HDAC7: variants seen among roughly 807,000 people sequenced by gnomAD.
The protein encoded by HDAC7 is histone deacetylase 7.
A neutral mutation model predicts 115.5 loss-of-function variants in HDAC7; 26 were observed. The ratio of observed to expected loss-of-function variants is 0.23; its 90% CI spans 0.16 to 0.31. The LOEUF (loss-of-function observed/expected upper bound fraction) is 0.31, where lower values mean the gene tolerates loss of function less well. Among genes scored for constraint, HDAC7 ranks in the 10% least tolerant of loss-of-function variants. HDAC7 has a pLI of 1.00. For missense variants in HDAC7, 1,068 were observed against 1,329.0 expected, an observed-to-expected ratio of 0.80 and a Z score of 3.05; for synonymous variants, 564 against 550.9, an observed-to-expected ratio of 1.02 and a Z score of -0.33.
intron 1 of HDAC7, among the ~76,000 whole-genome samples, chr12:47,809,621 A>T (rs1944563326): frequency 6.6e-6 from 1 of 152,098 alleles, no homozygotes; most frequent in African/African-American, 2.4e-5. Flanking sequence ...CCCAGGCTGG[A>T]GTACAGTGGC....
At chr12:47,808,497 C>T (rs1161405209) in intron 1 of HDAC7, among the ~76,000 whole-genome samples, 4 of 152,170 alleles carry the variant, frequency 2.6e-5, no homozygotes. Context: ...GAAGACCTGG[C>T]AGAACCTGAG....
rs923301768 is a variant in HDAC7, at chr12:47,798,003, T to C, written c.461+105A>G. On this transcript the variant is annotated intron_variant, in intron 5 of 25. Transcript: ENST00000080059. The surrounding 1 kb of genome is among the most constrained non-coding windows in gnomAD (Gnocchi z 4.3). ...TTAGAGGAAGGGTAAGGACTGGTTG[T>C]GGCAACTGGGGAGGAAGGAGGCAAG... 2.5e-6 allele frequency: 2 copies of C among 784,520 alleles called. No individual in the cohort carries two copies. Among genetic ancestry groups the C allele is most frequent in the Admixed American group, 1.9e-5 (1 of 51,848 alleles). The allele number at this position is 784,520 out of a possible 1,614,324, so 48.6% of individuals were successfully genotyped here.
At chr12:47,790,081 G>T in intron 16 of HDAC7, 161 bp from the exon 17 acceptor site, 1 of 615,036 alleles carries the variant, frequency 1.6e-6, no homozygotes. Flanking sequence ...AAGGCCTCCT[G>T]TGTCCCCCAA....
chr12:47,791,195 G>C, intron 16 of HDAC7, 64 bp downstream of exon 16: 1 of 1,433,528 alleles, frequency 7.0e-7, no homozygotes. Context: ...GGGCCTGGGA[G>C]AACCACAGGG....
upstream of HDAC7, among the ~76,000 whole-genome samples, chr12:47,820,771 C>A (rs1484550428): frequency 6.6e-6 from 1 of 151,650 alleles, no homozygotes; most frequent in South Asian, 2.1e-4. The surrounding 1 kb of genome is among the most constrained non-coding windows in gnomAD (Gnocchi z 4.3). Flanking sequence ...CAGCAATGTG[C>A]CCAGTGTCCC....
intron 24 of HDAC7, chr12:47,784,787 G>A: frequency 6.5e-7 from 1 of 1,535,370 alleles, no homozygotes; most frequent in Non-Finnish European, 8.7e-7. Context: ...ATCTGGCTCA[G>A]TGTGAGGGCA....
At chr12:47,796,173 G>GC in intron 8 of HDAC7, 34 bp downstream of exon 8, 1 of 1,579,732 alleles carries the variant, frequency 6.3e-7, no homozygotes, top group Non-Finnish European at 8.6e-7. Flanking sequence ...CCTCAGAACT[G>GC]CCCCAGGAGA....
At position 47,795,120 on chromosome 12, in the gene HDAC7, C is replaced by T; in HGVS notation, c.1284+64G>A. On this transcript the variant is annotated intron_variant, in intron 11 of 25. Coordinates refer to ENST00000080059, the MANE Select transcript of HDAC7 (RefSeq NM_015401.5). This position sits in a 1 kb window ranked among gnomAD's most constrained non-coding sequence, Gnocchi z 4.3. ...CCTGCCCTTTCTAAGTACCCCTCTT[C>T]TTTTGGCCCCTAAGTCCCCAGTTAA... 7.0e-7 allele frequency: 1 copy of T among 1,428,236 alleles called. No homozygotes were observed. 88.5% of individuals were successfully genotyped at this position (1,428,236 alleles called of 1,614,324 possible).
At position 47,797,117 on chromosome 12, in the gene HDAC7, G is replaced by C. The variant is rs61754652; in HGVS notation, c.603C>G (p.Arg201=). The change falls in exon 7 of 26, where the codon CGC becomes CGG. Residue 201 remains arginine, a synonymous_variant. Coordinates refer to ENST00000080059, the MANE Select transcript of HDAC7 (RefSeq NM_015401.5). The surrounding 1 kb of genome is among the most constrained non-coding windows in gnomAD (Gnocchi z 5.5). ...GCTCCAGGGACTTCTTGGGCTTATA[G>C]CGCAGCTTCAGGTTGGGCTCAGAGA... The part of the protein sequence containing the change: ...KTVSEPNLKL[R]YKPKKSLERR... 1 of 1,605,126 alleles carries C rather than the reference G, an allele frequency of 6.2e-7. No individual in the cohort carries two copies. The highest frequency in any genetic ancestry group is 8.5e-7 in the Non-Finnish European group (1 of 1,175,966).
chr12:47,819,681 G>C (rs943235975), intron 1 of HDAC7, 86 bp downstream of exon 1: 7 of 226,810 alleles, frequency 3.1e-5, no homozygotes, highest in Non-Finnish European at 4.4e-5. Context: ...AGCCGGAGCC[G>C]GGGCCAGGGC....
rs10670184 is a variant in HDAC7 at position 47,787,245 on chromosome 12, C to CCA, written c.2453+466_2453+467insTG. ...CATCCTCTCCCTCTTCCAGGCCCCCCCCCAGCTGCCTTCCTCTACCCCTGA... is the reference window on the plus strand; with the variant it reads ...CATCCTCTCCCTCTTCCAGGCCCCCCCACCCAGCTGCCTTCCTCTACCCCTGA... On this transcript the variant is annotated intron_variant, in intron 21 of 25. Coordinates refer to ENST00000080059, the MANE Select transcript of HDAC7 (RefSeq NM_015401.5). Among the ~76,000 whole-genome samples the CCA allele has an allele frequency of 1.1e-4, 17 of 151,836 alleles. No individual in the cohort carries two copies. In the East Asian group the frequency reaches 1.6e-3, roughly 14 times the overall value.
At position 47,798,565 on chromosome 12, in the gene HDAC7, G is replaced by C. The variant is rs913483398; in HGVS notation, c.346C>G (p.Arg116Gly). The change falls in exon 4 of 26, where the codon CGA becomes GGA. Residue 116 changes from arginine to glycine, a missense_variant. By Grantham distance (125) the Arg-to-Gly change is moderately radical. Transcript: ENST00000080059. This position sits in a 1 kb window ranked among gnomAD's most constrained non-coding sequence, Gnocchi z 4.3. The stretch of plus-strand genomic sequence containing the variant: ...GCTGGGGTGGCCACCTCCTTACTTC[G>C]CTTGCTCTTGTCCTTGTGGAGAAGC... ...RQLLHKDKSK[R>G]SAVASSVVKQ... 6.2e-7 allele frequency: 1 copy of C among 1,613,504 alleles called. No individual in the cohort carries two copies. Among genetic ancestry groups the C allele is most frequent in the Non-Finnish European group, 8.5e-7 (1 of 1,179,790 alleles).
In HDAC7 at chr12:47,797,173, C is replaced by T; in HGVS notation, c.578-31G>A. 1.3e-6 allele frequency: 2 copies of T among 1,565,242 alleles called. No homozygotes were observed. The highest frequency in any genetic ancestry group is 2.3e-5 in the East Asian group (1 of 44,402). ...GGGAGCACCAGCGTCACTCAGGCCC[C>T]CACCACCCTTCTTTTTTCCACCCTT... On this transcript the variant is annotated intron_variant, in intron 6 of 25. Transcript: ENST00000080059. This position sits in a 1 kb window ranked among gnomAD's most constrained non-coding sequence, Gnocchi z 5.5.
At chr12:47,808,059 T>G (rs1944478799) in intron 1 of HDAC7, among the ~76,000 whole-genome samples, 1 of 152,182 alleles carries the variant, frequency 6.6e-6, no homozygotes, top group African/African-American at 2.4e-5. Context: ...GACGAAGGCC[T>G]CCATCAGTCC....
intron 17 of HDAC7, 30 bp downstream of exon 17, chr12:47,789,783 G>A (rs905679080): frequency 1.3e-6 from 2 of 1,548,932 alleles, no homozygotes; most frequent in African/African-American, 1.4e-5. Context: ...CTCCTTTGTG[G>A]TGTGTCCACC....
At chr12:47,791,426 G>A (rs1391581395) in intron 15 of HDAC7, 118 bp from the exon 16 acceptor site, 39 of 1,369,558 alleles carry the variant, frequency 2.8e-5, no homozygotes, top group Non-Finnish European at 3.5e-5. Flanking sequence ...ATATGGAAGG[G>A]AGAGGTGGAG....
chr12:47,802,511 A>G (rs949975176), intron 1 of HDAC7: 5 of 1,549,454 alleles, frequency 3.2e-6, no homozygotes, highest in South Asian at 1.2e-5. Flanking sequence ...CTCATTCTAA[A>G]TGACTTGAAC....
chr12:47,804,953 TGAGCCTTGCC>T (rs1247055045), intron 1 of HDAC7, among the ~76,000 whole-genome samples: 1 of 152,070 alleles, frequency 6.6e-6, no homozygotes, highest in East Asian at 1.9e-4. Flanking sequence ...GATGAAAACC[TGAGCCTTGCC>T]GACCACCTGC....
rs1943622906 is a variant in HDAC7 at position 47,793,266 on chromosome 12, C to T, written c.1678+103G>A. 1 of 862,020 alleles carries T rather than the reference C, an allele frequency of 1.2e-6. No individual in the cohort carries two copies. Among genetic ancestry groups the T allele is most frequent in the African/African-American group, 1.7e-5 (1 of 58,702 alleles). The allele number at this position is 862,020 out of a possible 1,614,324, so 53.4% of individuals were successfully genotyped here. A position where few individuals can be genotyped will look rare whatever the true frequency, so the allele number is the denominator to read the frequency against. On this transcript the variant is annotated intron_variant, in intron 13 of 25. Coordinates refer to ENST00000080059, the MANE Select transcript of HDAC7 (RefSeq NM_015401.5). This position sits in a 1 kb window ranked among gnomAD's most constrained non-coding sequence, Gnocchi z 4.5. Reference sequence around the variant, plus strand: ...ACTACGTGGGCCTAACAAGGCTAAGCACTCTGTGGCCTCTAAAAATGTCCC... The same window carrying T: ...ACTACGTGGGCCTAACAAGGCTAAGTACTCTGTGGCCTCTAAAAATGTCCC...
Sources: allele counts gnomAD v4.1 joint callset (sites outside exome capture counted in the v4.1 genomes callset), GRCh38; gene constraint gnomAD v4.1.1; non-coding constraint Gnocchi (gnomAD v3.1); transcripts MANE v1.5; gene names NCBI Gene and HGNC (gene_info 2026-07-23, HGNC 2026-07-21).